Variants in VARS2 observed in about 807,000 individuals in gnomAD.
VARS2 encodes the protein valine--tRNA ligase, mitochondrial.
Under a neutral mutation model 154.1 loss-of-function variants are expected in VARS2, and 105 were observed. The observed-to-expected ratio is 0.68, with a 90% confidence interval of 0.58 to 0.80. The LOEUF is 0.80. VARS2 is among the 30% of genes least tolerant of loss of function. The probability of loss-of-function intolerance (pLI) is 0.00; values close to 1 mark genes in which losing one functional copy is unlikely to be tolerated. For missense variants in VARS2, 1,157 were observed against 1,361.4 expected (o/e 0.85, Z 2.36); for synonymous variants, 483 against 539.5 (o/e 0.90, Z 1.45).
At chr6:30,914,459 C>A in intron 1 of VARS2, 115 bp downstream of exon 1, 1 of 1,313,752 alleles carries the variant, frequency 7.6e-7, no homozygotes, top group South Asian at 2.4e-5. Context: ...CTGCAGGAGG[C>A]CCCTGTGCAG....
At position 30,915,992 on chromosome 6, in the gene VARS2, G is replaced by T; in HGVS notation, c.518G>T (p.Arg173Leu). 1 of 1,614,050 alleles carries T rather than the reference G, an allele frequency of 6.2e-7. No individual in the cohort carries two copies. Among genetic ancestry groups the T allele is most frequent in the Non-Finnish European group, 8.5e-7 (1 of 1,179,902 alleles). The change falls in exon 6 of 30, where the codon CGT becomes CTT. Residue 173 changes from arginine (R) to leucine (L), a missense_variant. Coordinates refer to ENST00000676266, the MANE Select transcript of VARS2 (RefSeq NM_020442.6). Reference protein sequence around the residue: ...QDALVRWHRMRGDQVLWVPGS... With the variant: ...QDALVRWHRMLGDQVLWVPGS... ...CATTTTTGTTGCAGGCACCGGATGC[G>T]TGGGGATCAAGTGCTGTGGGTCCCT... is the stretch of plus-strand genomic sequence containing the variant.
rs1456199793 is a variant in VARS2, at chr6:30,926,160, C to T, written c.3142C>T (p.Leu1048Phe). 1 of 1,613,132 alleles carries T rather than the reference C, an allele frequency of 6.2e-7. No homozygotes were observed. The highest frequency in any genetic ancestry group is 1.7e-5 in the Admixed American group (1 of 60,032). Residue 1048 changes from leucine to phenylalanine, a missense_variant, in exon 30 of 30, where the codon CTC (leucine) becomes TTC (phenylalanine). Physicochemically the swap from Leu to Phe is conservative, Grantham distance 22 (BLOSUM62 0). Coordinates refer to ENST00000676266, the MANE Select transcript of VARS2 (RefSeq NM_020442.6). Reference sequence around the variant, plus strand: ...AAAACTGGACAAGGCAGCCTCTCACCTCCGGCAGCTGATGGATGAGCCTCC... The same window carrying T: ...AAAACTGGACAAGGCAGCCTCTCACTTCCGGCAGCTGATGGATGAGCCTCC... ...LSKLDKAASH[L>F]RQLMDEPPAP... is the part of the protein sequence containing the mutation.
chr6:30,920,674 TG>T lies in VARS2; in HGVS notation c.1408del (p.Asp470MetfsTer2). On this transcript the variant is annotated frameshift_variant, in exon 15 of 30. Coordinates refer to ENST00000676266, the MANE Select transcript of VARS2 (RefSeq NM_020442.6). LOFTEE classifies it high-confidence loss of function. The surrounding 1 kb of genome is among the most constrained non-coding windows in gnomAD (Gnocchi z 4.6). Reference sequence around the variant, plus strand: ...CACCCTGTCTCTCTTTCAGCCGTTCTGGGGATGTGATAGAATACCTGCTGAA... The same window carrying T: ...CACCCTGTCTCTCTTTCAGCCGTTCTGGGATGTGATAGAATACCTGCTGAA... ...PMVLPICSRS[G>X]DVIEYLLKNQ... is the part of the protein sequence containing the mutation. 6.3e-7 allele frequency: 1 copy of T among 1,590,778 alleles called. No homozygotes were observed.
In VARS2 at chr6:30,925,918, C is replaced by A; in HGVS notation, c.3000C>A (p.Ala1000=). ...CGCAGATCCAGCTACCTCTGTTAGC[C>A]GCCCGAAGGTACAAGTTGCAGAAGC... is the stretch of plus-strand genomic sequence containing the variant. ...VDPQIQLPLL[A]ARRYKLQKQL... Residue 1000 remains alanine, a synonymous_variant, in exon 29 of 30, where the codon GCC becomes GCA. Transcript: ENST00000676266. The A allele has an allele frequency of 6.2e-7, 1 of 1,613,026 alleles. No homozygotes were observed.
chr6:30,921,503 A>T lies in VARS2; in HGVS notation c.1633-86A>T. On this transcript the variant is annotated intron_variant, in intron 17 of 29. Coordinates refer to ENST00000676266, the MANE Select transcript of VARS2 (RefSeq NM_020442.6). The surrounding 1 kb of genome is among the most constrained non-coding windows in gnomAD (Gnocchi z 4.6). ...CCTGGGGGAACCTGGCCACTCTAAG[A>T]CCACATGAGGACGTGAAAACCAAGT... The T allele has an allele frequency of 6.6e-7, 1 of 1,506,576 alleles. No homozygotes were observed. Among genetic ancestry groups the T allele is most frequent in the Non-Finnish European group, 9.0e-7 (1 of 1,106,384 alleles). The allele number at this position is 1,506,576 out of a possible 1,614,324, so 93.3% of individuals were successfully genotyped here.
chr6:30,915,737 T>C lies in VARS2; in HGVS notation c.385-9T>C. 5 of 1,612,774 alleles carry C rather than the reference T, an allele frequency of 3.1e-6. No individual in the cohort carries two copies. Among genetic ancestry groups the C allele is most frequent in the Admixed American group, 1.7e-5 (1 of 60,010 alleles). On this transcript the variant is annotated splice_polypyrimidine_tract_variant and intron_variant, in intron 4 of 29. Coordinates refer to ENST00000676266, the MANE Select transcript of VARS2 (RefSeq NM_020442.6). The stretch of plus-strand genomic sequence containing the variant: ...TCTCTTGCCCCTTTGACTTTTTTTC[T>C]TCCTCTAGGCCCGGCTGCCCCAAGC...
Position 30,920,505 on chromosome 6 carries a change from A to G in VARS2, c.1397+69A>G, listed in dbSNP as rs768882250. ...GAATGTATGGAGCTTAAGGGTGACA[A>G]TAGGATGGGCTCTGCACCCCTCCGT... is the stretch of plus-strand genomic sequence containing the variant. On this transcript the variant is annotated intron_variant, in intron 14 of 29. Transcript: ENST00000676266. This position sits in a 1 kb window ranked among gnomAD's most constrained non-coding sequence, Gnocchi z 4.6. 1.2e-3 allele frequency: 1,834 copies of G among 1,477,558 alleles called. 1 individual carries two copies. The highest frequency in any genetic ancestry group is 1.5e-3 in the Non-Finnish European group (1,693 of 1,094,944). 91.5% of individuals were successfully genotyped at this position (1,477,558 alleles called of 1,614,324 possible).
Position 30,926,194 on chromosome 6 carries a change from G to A in VARS2, c.3176G>A (p.Gly1059Glu). ...RQLMDEPPAPGSPEL is the reference protein window; with the variant it reads ...RQLMDEPPAPESPEL Reference sequence around the variant, plus strand: ...CTGATGGATGAGCCTCCAGCCCCAGGGAGCCCGGAGCTCTAACTCATCATC... The same window carrying A: ...CTGATGGATGAGCCTCCAGCCCCAGAGAGCCCGGAGCTCTAACTCATCATC... The change falls in exon 30 of 30, where the codon GGG becomes GAG. Residue 1059 changes from glycine (G) to glutamate (E), a missense_variant. Physicochemically the swap from Gly to Glu is moderately conservative, Grantham distance 98. Transcript: ENST00000676266. 6.2e-7 allele frequency: 1 copy of A among 1,613,112 alleles called. No individual in the cohort carries two copies. Among genetic ancestry groups the A allele is most frequent in the East Asian group, 2.2e-5 (1 of 44,890 alleles).
chr6:30,923,846 G>C (rs1794683110), intron 25 of VARS2: 1 of 400,848 alleles, frequency 2.5e-6, no homozygotes. Flanking sequence ...GCCTGGGAGG[G>C]ACTAGCAGCG....
At chr6:30,914,411 G>A in intron 1 of VARS2, 67 bp downstream of exon 1, 1 of 1,270,946 alleles carries the variant, frequency 7.9e-7, no homozygotes, top group Non-Finnish European at 9.9e-7. Flanking sequence ...CAGGCCTTGG[G>A]ATGGGCGGGA....
In VARS2 at chr6:30,925,588, G is replaced by A; in HGVS notation, c.2830G>A (p.Ala944Thr). 1 of 1,609,358 alleles carries A rather than the reference G, an allele frequency of 6.2e-7. No individual in the cohort carries two copies. The highest frequency in any genetic ancestry group is 1.3e-5 in the African/African-American group (1 of 74,780). The change falls in exon 28 of 30, where the codon GCC (alanine) becomes ACC (threonine). Residue 944 changes from alanine to threonine, a missense_variant. Physicochemically the swap from Ala to Thr is moderately conservative, Grantham distance 58. Coordinates refer to ENST00000676266, the MANE Select transcript of VARS2 (RefSeq NM_020442.6). ...GCCTGGGGACCAGGGCCTCTTCGAG[G>A]CCTTCTTGGAGCCCCTGGGCACCCT... is the stretch of plus-strand genomic sequence containing the variant. ...SEPGDQGLFEAFLEPLGTLGY... is the reference protein window; with the variant it reads ...SEPGDQGLFETFLEPLGTLGY...
chr6:30,921,097 C>T lies in VARS2; in HGVS notation c.1512C>T (p.Pro504=), dbSNP rs1470315883. The part of the protein sequence containing the change: ...AVESGALELS[P]SFHQKNWQHW... ...AGTCGGGGGCCCTGGAGCTCAGTCCCTCCTTCCACCAGAAGAACTGGCAGC... is the reference window on the plus strand; with the variant it reads ...AGTCGGGGGCCCTGGAGCTCAGTCCTTCCTTCCACCAGAAGAACTGGCAGC... Residue 504 remains proline, a synonymous_variant, in exon 16 of 30, where the codon CCC becomes CCT. Transcript: ENST00000676266. The surrounding 1 kb of genome is among the most constrained non-coding windows in gnomAD (Gnocchi z 4.6). 1.9e-6 allele frequency: 3 copies of T among 1,613,752 alleles called. No individual in the cohort carries two copies. Among genetic ancestry groups the T allele is most frequent in the African/African-American group, 1.3e-5 (1 of 74,900 alleles).
chr6:30,921,040 T>G lies in VARS2; in HGVS notation c.1480-25T>G, dbSNP rs1356726635. The G allele has an allele frequency of 5.6e-6, 9 of 1,595,552 alleles. No homozygotes were observed. The highest frequency in any genetic ancestry group is 2.3e-5 in the South Asian group (2 of 87,656). ...TGCGGCCGTGCAGGAAGGGCAACAT[T>G]GTCTAAAGTCCCCTTTCTCTCCAGG... On this transcript the variant is annotated intron_variant, in intron 15 of 29. Coordinates refer to ENST00000676266, the MANE Select transcript of VARS2 (RefSeq NM_020442.6). This position sits in a 1 kb window ranked among gnomAD's most constrained non-coding sequence, Gnocchi z 4.6.
At position 30,921,717 on chromosome 6, in the gene VARS2, G is replaced by A. The variant is rs764715525; in HGVS notation, c.1735+26G>A. 1.6e-5 allele frequency: 25 copies of A among 1,581,084 alleles called. No homozygotes were observed. Among genetic ancestry groups the A allele is most frequent in the Non-Finnish European group, 2.1e-5 (24 of 1,164,936 alleles). On this transcript the variant is annotated intron_variant, in intron 18 of 29. Coordinates refer to ENST00000676266, the MANE Select transcript of VARS2 (RefSeq NM_020442.6). This position sits in a 1 kb window ranked among gnomAD's most constrained non-coding sequence, Gnocchi z 4.6. ...GTGAGTGCCTGAGCTGGGGAGGGAT[G>A]TACAGGGGAGCGGGGGCCTGGGCAT...
rs773853718 is a variant in VARS2, at chr6:30,921,656, C to A, written c.1700C>A (p.Thr567Lys). Residue 567 changes from threonine to lysine, a missense_variant, in exon 18 of 30, where the codon ACA (threonine) becomes AAA (lysine). Transcript: ENST00000676266. The surrounding 1 kb of genome is among the most constrained non-coding windows in gnomAD (Gnocchi z 4.6). The part of the protein sequence containing the change: ...AEAREVAAEL[T>K]GRPGAELTLE... The stretch of plus-strand genomic sequence containing the variant: ...GCCAGAGAGGTAGCAGCGGAACTGA[C>A]AGGGAGGCCAGGGGCAGAGCTGACC... 2 of 1,608,250 alleles carry A rather than the reference C, an allele frequency of 1.2e-6. No individual in the cohort carries two copies. The highest frequency in any genetic ancestry group is 1.7e-6 in the Non-Finnish European group (2 of 1,178,662).
At chr6:30,922,390 C>T in intron 20 of VARS2, 60 bp from the exon 21 acceptor site, 9 of 1,606,834 alleles carry the variant, frequency 5.6e-6, no homozygotes, top group Non-Finnish European at 7.7e-6. Flanking sequence ...AGTATGGAGG[C>T]CAGAGATCCC....
At position 30,925,536 on chromosome 6, in the gene VARS2, C is replaced by T; in HGVS notation, c.2786-8C>T. On this transcript the variant is annotated splice_polypyrimidine_tract_variant and splice_region_variant and intron_variant, in intron 27 of 29. Coordinates refer to ENST00000676266, the MANE Select transcript of VARS2 (RefSeq NM_020442.6). Reference sequence around the variant, plus strand: ...AGGCCTTGCCCCTGACAGTTTCTTTCTTTCCAGTGCTGCTGCAGAGCTCAG... The same window carrying T: ...AGGCCTTGCCCCTGACAGTTTCTTTTTTTCCAGTGCTGCTGCAGAGCTCAG... The T allele has an allele frequency of 6.4e-7, 1 of 1,569,214 alleles. No homozygotes were observed. Among genetic ancestry groups the T allele is most frequent in the South Asian group, 1.2e-5 (1 of 84,418 alleles).
Position 30,920,687 on chromosome 6 carries a change from G to A in VARS2, c.1417G>A (p.Glu473Lys). 1 of 1,599,172 alleles carries A rather than the reference G, an allele frequency of 6.3e-7. No homozygotes were observed. The highest frequency in any genetic ancestry group is 8.5e-7 in the Non-Finnish European group (1 of 1,173,588). The change falls in exon 15 of 30, where the codon GAA (glutamate) becomes AAA (lysine). Residue 473 changes from glutamate (E) to lysine (K), a missense_variant. Coordinates refer to ENST00000676266, the MANE Select transcript of VARS2 (RefSeq NM_020442.6). The surrounding 1 kb of genome is among the most constrained non-coding windows in gnomAD (Gnocchi z 4.6). ...TTTCAGCCGTTCTGGGGATGTGATAGAATACCTGCTGAAGAACCAGTGGTT... is the reference window on the plus strand; with the variant it reads ...TTTCAGCCGTTCTGGGGATGTGATAAAATACCTGCTGAAGAACCAGTGGTT... Reference protein sequence around the residue: ...PICSRSGDVIEYLLKNQWFVR... With the variant: ...PICSRSGDVIKYLLKNQWFVR...
Position 30,915,985 on chromosome 6 carries a change from C to CGGAT in VARS2, c.513_516dup (p.Arg173AspfsTer37), listed in dbSNP as rs1582173192. 2.5e-6 allele frequency: 4 copies of CGGAT among 1,613,864 alleles called. No individual in the cohort carries two copies. The highest frequency in any genetic ancestry group is 3.4e-6 in the Non-Finnish European group (4 of 1,179,902). On this transcript the variant is annotated frameshift_variant, in exon 6 of 30. Transcript: ENST00000676266. LOFTEE classifies it high-confidence loss of function. The stretch of plus-strand genomic sequence containing the variant: ...AGGAGGGCATTTTTGTTGCAGGCAC[C>CGGAT]GGATGCGTGGGGATCAAGTGCTGTG...
Sources: gnomAD v4.1 joint callset for allele counts on GRCh38, gnomAD v4.1.1 for gene constraint, Gnocchi (gnomAD v3.1) non-coding constraint, MANE v1.5 for transcripts, NCBI Gene and HGNC (gene_info 2026-07-23, HGNC 2026-07-21) for gene names.